The following LPA variants were observed in gnomAD, a reference collection of about 807,000 sequenced individuals.
LPA encodes apolipoprotein(a).
LPA carries 199 observed loss-of-function variants against 197.9 expected under a neutral mutation model. That is an observed-to-expected ratio of 1.01 (90% CI 0.90 to 1.13). LPA has a LOEUF of 1.13. LPA is among the 50% of genes most tolerant of loss of function. The probability of loss-of-function intolerance (pLI) is 0.00; values close to 1 mark genes in which losing one functional copy is unlikely to be tolerated. For synonymous variants in LPA, 715 were observed against 639.5 expected (o/e 1.12, Z -1.78); for missense variants, 1,853 against 1,785.8 (o/e 1.04, Z -0.68).
intron 7 of LPA, among the ~76,000 whole-genome samples, chr6:160,634,688 G>C (rs1779768171): frequency 6.6e-6 from 1 of 151,744 alleles, no homozygotes; most frequent in South Asian, 2.1e-4. Flanking sequence ...AGCCCTGTTA[G>C]GTTTCTCGAG....
intron 28 of LPA, among the ~76,000 whole-genome samples, chr6:160,559,798 A>T (rs919767531): frequency 1.3e-5 from 2 of 152,070 alleles, no homozygotes; most frequent in African/African-American, 4.8e-5. Flanking sequence ...TCTGTATCTT[A>T]TTATTATTAT....
intron 26 of LPA, among the ~76,000 whole-genome samples, chr6:160,581,078 A>G (rs1456874840): frequency 4.6e-5 from 7 of 152,240 alleles, no homozygotes; most frequent in African/African-American, 1.2e-4. Flanking sequence ...AGCTATCTCA[A>G]ATTAATTTAA....
At chr6:160,578,763 G>A in intron 26 of LPA, 59 bp from the exon 27 acceptor site, 1 of 1,612,118 alleles carries the variant, frequency 6.2e-7, no homozygotes, top group Non-Finnish European at 8.5e-7. Flanking sequence ...AGGGCACTTA[G>A]CGCCCTCTAC....
chr6:160,546,972 C>G (rs1273724126), intron 32 of LPA, among the ~76,000 whole-genome samples: 1 of 152,144 alleles, frequency 6.6e-6, no homozygotes, highest in Non-Finnish European at 1.5e-5. Flanking sequence ...TAGAGGGCAT[C>G]TCTGACTACT....
At chr6:160,643,106 G>GTGTGTT (rs1562350752) in intron 4 of LPA, among the ~76,000 whole-genome samples, 53 of 145,468 alleles carry the variant, frequency 3.6e-4, no homozygotes, top group African/African-American at 1.3e-3. Context: ...GTGTGTGTGT[G>GTGTGTT]TGTGTGTGTA....
chr6:160,587,008 C>T (rs577316801), intron 24 of LPA, among the ~76,000 whole-genome samples: 1 of 152,274 alleles, frequency 6.6e-6, no homozygotes, highest in East Asian at 1.9e-4. Flanking sequence ...GTTTATCTGT[C>T]AGGCTGTCTG....
At chr6:160,572,716 G>A (rs35189165) in intron 28 of LPA, among the ~76,000 whole-genome samples, 24,148 of 152,176 alleles carry the variant, frequency 0.16, 2,551 homozygotes, top group East Asian at 0.4. Flanking sequence ...TTTTGTTTGA[G>A]GAGGCTATGA....
chr6:160,563,584 A>AG (rs1348411878), intron 28 of LPA, among the ~76,000 whole-genome samples: 1 of 152,216 alleles, frequency 6.6e-6, no homozygotes, highest in Non-Finnish European at 1.5e-5. Flanking sequence ...CTATTAGGTC[A>AG]GCTTGGTCCA....
At chr6:160,541,253 G>A (rs1583566527) in intron 34 of LPA, 72 bp from the exon 35 acceptor site, 2 of 1,101,422 alleles carry the variant, frequency 1.8e-6, no homozygotes, top group East Asian at 4.7e-5. Context: ...AGAAAGCCAG[G>A]AAGACAAGTT....
chr6:160,541,751 A>C (rs1215452959), intron 34 of LPA, among the ~76,000 whole-genome samples: 1 of 152,210 alleles, frequency 6.6e-6, no homozygotes, highest in Non-Finnish European at 1.5e-5. Flanking sequence ...ACGAAGAGGA[A>C]TAGAGATAGG....
chr6:160,601,700 T>G (rs536490882), intron 18 of LPA, among the ~76,000 whole-genome samples: 1 of 152,314 alleles, frequency 6.6e-6, no homozygotes, highest in Admixed American at 6.5e-5. Flanking sequence ...CGATACCGTA[T>G]CAGGTGGGTC....
At chr6:160,646,999 C>T (rs1443507622) in intron 2 of LPA, among the ~76,000 whole-genome samples, 2 of 152,106 alleles carry the variant, frequency 1.3e-5, no homozygotes, top group African/African-American at 4.8e-5. Context: ...GTCTGTCATT[C>T]CCATATCATG....
chr6:160,581,495 T>C (rs1372186080), intron 26 of LPA, among the ~76,000 whole-genome samples: 2 of 152,018 alleles, frequency 1.3e-5, no homozygotes, highest in South Asian at 2.1e-4. Context: ...GAGATGAGGG[T>C]CTTGCTATGT....
chr6:160,560,515 T>C (rs1324949962), intron 28 of LPA, among the ~76,000 whole-genome samples: 1 of 152,240 alleles, frequency 6.6e-6, no homozygotes, highest in Non-Finnish European at 1.5e-5. Flanking sequence ...CTCATTGTGG[T>C]TTCGATTTGC....
In LPA at chr6:160,606,465, C is replaced by T. The variant is rs762838420; in HGVS notation, c.2785+12G>A. On this transcript the variant is annotated intron_variant, in intron 17 of 38. Transcript: ENST00000316300. ...ATCGAAACGTGTAGGTTTCTGGCCA[C>T]AGGCTCCTTACCTTGTTCAGAAGGA... The T allele has an allele frequency of 3.1e-6, 5 of 1,613,230 alleles. No individual in the cohort carries two copies. The highest frequency in any genetic ancestry group is 4.2e-6 in the Non-Finnish European group (5 of 1,179,734).
intron 30 of LPA, among the ~76,000 whole-genome samples, chr6:160,552,186 A>G (rs1778177368): frequency 1.3e-5 from 2 of 152,216 alleles, no homozygotes; most frequent in South Asian, 4.1e-4. Context: ...TGTTGGGGTA[A>G]CAGGCATGAG....
intron 28 of LPA, among the ~76,000 whole-genome samples, chr6:160,565,621 C>T: frequency 6.6e-6 from 1 of 152,196 alleles, no homozygotes; most frequent in East Asian, 1.9e-4. Context: ...TGCCTCTTCT[C>T]CTCCGAAGGA....
In LPA at chr6:160,594,015, G is replaced by C. The variant is rs770246075; in HGVS notation, c.3572C>G (p.Ser1191Cys). 5.6e-6 allele frequency: 9 copies of C among 1,614,016 alleles called. No homozygotes were observed. The highest frequency in any genetic ancestry group is 7.6e-6 in the Non-Finnish European group (9 of 1,179,902). ...CCAGTGTGGTGTCATAGAGGACCAA[G>C]ACTGACATGTCCTTCCTGTGACAGT... Reference protein sequence around the residue: ...STTVTGRTCQSWSSMTPHWHQ... With the variant: ...STTVTGRTCQCWSSMTPHWHQ... Residue 1191 changes from serine to cysteine, a missense_variant, in exon 22 of 39, where the codon TCT becomes TGT. This residue lies in a region of LPA where 1,737 missense variants were observed against 1,504.4 expected (regional missense o/e 1.15). Coordinates refer to ENST00000316300, the MANE Select transcript of LPA (RefSeq NM_005577.4).
chr6:160,574,431 CT>C (rs771690949), intron 28 of LPA, among the ~76,000 whole-genome samples: 21 of 152,118 alleles, frequency 1.4e-4, no homozygotes, highest in Non-Finnish European at 2.2e-4. Context: ...GCTTCTCCCC[CT>C]GTTCAAATTG....
Sources: gnomAD v4.1 joint callset for allele counts (sites outside exome capture counted in the v4.1 genomes callset) on GRCh38, gnomAD v4.1.1 for gene constraint, gnomAD v4.1.1 regional missense constraint, MANE v1.5 for transcripts, NCBI Gene and HGNC (gene_info 2026-07-23, HGNC 2026-07-21) for gene names.